The following XKR9 variants were observed in gnomAD, a reference collection of about 807,000 sequenced individuals.
The protein encoded by XKR9 is XK-related protein 9.
XKR9 carries 32 observed loss-of-function variants against 32.0 expected under a neutral mutation model. That is an observed-to-expected ratio of 1.00 (90% CI 0.76 to 1.34). The LOEUF (loss-of-function observed/expected upper bound fraction) is 1.34. Among genes scored for constraint, XKR9 ranks in the 40% most tolerant of loss-of-function variants. The pLI, the probability that XKR9 is intolerant of heterozygous loss-of-function variation, is 0.00. For synonymous variants in XKR9, 168 were observed against 143.4 expected (o/e 1.17, Z -1.22); for missense variants, 546 against 429.7 (o/e 1.27, Z -2.39).
At chr8:70,858,391 T>A in the XKR9 span, among the ~76,000 whole-genome samples, 2 of 152,030 alleles carry the variant, frequency 1.3e-5, no homozygotes, top group African/African-American at 4.8e-5. Context: ...ATAAAATACC[T>A]AGGAATCCAA....
At chr8:70,979,430 G>A in the XKR9 span, among the ~76,000 whole-genome samples, 1,470 of 152,272 alleles carry the variant, frequency 9.7e-3, 23 homozygotes, top group African/African-American at 0.034. Context: ...TGGTGTGGAT[G>A]TCCTTTTTGT....
the XKR9 span, among the ~76,000 whole-genome samples, chr8:70,905,416 A>T: frequency 6.6e-6 from 1 of 152,130 alleles, no homozygotes; most frequent in African/African-American, 2.4e-5. Context: ...CAAATTGGCT[A>T]CTGAATCTTG....
At chr8:70,766,751 A>G (rs1409558225) in intron 2 of XKR9, among the ~76,000 whole-genome samples, 2 of 151,894 alleles carry the variant, frequency 1.3e-5, no homozygotes, top group Non-Finnish European at 2.9e-5. Flanking sequence ...AATAGCTCTT[A>G]TTATTTTGAG....
At chr8:70,692,890 T>C (rs1258486791) in intron 3 of XKR9, among the ~76,000 whole-genome samples, 1 of 152,146 alleles carries the variant, frequency 6.6e-6, no homozygotes, top group East Asian at 1.9e-4. Context: ...ATGGCTCTTA[T>C]TATTTTGAGG....
At chr8:70,725,675 G>T (rs1422104035) in intron 4 of XKR9, among the ~76,000 whole-genome samples, 1 of 152,134 alleles carries the variant, frequency 6.6e-6, no homozygotes, top group Non-Finnish European at 1.5e-5. Flanking sequence ...GGAGGCTGAG[G>T]CGAGCAGATC....
chr8:70,863,028 G>A, the XKR9 span, among the ~76,000 whole-genome samples: 1 of 152,122 alleles, frequency 6.6e-6, no homozygotes, highest in Non-Finnish European at 1.5e-5. Flanking sequence ...TAGAAAGGAA[G>A]TTAGTGTTGT....
the XKR9 span, among the ~76,000 whole-genome samples, chr8:71,050,254 T>TAG: frequency 1.7e-4 from 21 of 125,166 alleles, no homozygotes; most frequent in African/African-American, 6.6e-4. Flanking sequence ...TATATATATA[T>TAG]ATATATAGAT....
Position 70,724,633 on chromosome 8 carries a change from G to A in XKR9, c.494-9163G>A, listed in dbSNP as rs79683513. 2.1e-3 allele frequency among the ~76,000 whole-genome samples: 316 copies of A among 152,192 alleles called. 3 individuals are homozygous for A. Among genetic ancestry groups the A allele is most frequent in the African/African-American group, 7.2e-3 (301 of 41,518 alleles). On this transcript the variant is annotated intron_variant, in intron 4 of 4. Transcript: ENST00000408926. ...GGCTTCCCTTGGCTAGGGGAGGGAGGTCCCTGGCCCCTTGCACTTCATGGG... is the reference window on the plus strand; with the variant it reads ...GGCTTCCCTTGGCTAGGGGAGGGAGATCCCTGGCCCCTTGCACTTCATGGG...
chr8:70,983,870 C>A, the XKR9 span, among the ~76,000 whole-genome samples: 1 of 151,322 alleles, frequency 6.6e-6, no homozygotes, highest in East Asian at 1.9e-4. Context: ...ATCAATTGAA[C>A]TTTTGCTATT....
chr8:71,025,734 C>T, the XKR9 span, among the ~76,000 whole-genome samples: 2 of 152,212 alleles, frequency 1.3e-5, no homozygotes, highest in Non-Finnish European at 2.9e-5. Flanking sequence ...ACTGTCATCC[C>T]TCAAACCACT....
the XKR9 span, among the ~76,000 whole-genome samples, chr8:70,968,439 C>T: frequency 6.6e-6 from 1 of 152,196 alleles, no homozygotes; most frequent in Non-Finnish European, 1.5e-5. Context: ...CTACTTCTGC[C>T]ATTTTAGCCA....
chr8:70,748,440 G>A (rs2130178230), intron 2 of XKR9, among the ~76,000 whole-genome samples: 1 of 152,358 alleles, frequency 6.6e-6, no homozygotes, highest in East Asian at 1.9e-4. Context: ...GCCAAGCCTG[G>A]GTGCTATTGT....
chr8:70,870,570 T>C, the XKR9 span, among the ~76,000 whole-genome samples: 7 of 152,328 alleles, frequency 4.6e-5, no homozygotes, highest in South Asian at 1.0e-3. Flanking sequence ...TTTGTGCTTA[T>C]ATAGGAAAAG....
chr8:71,032,177 T>G, the XKR9 span, among the ~76,000 whole-genome samples: 18 of 149,060 alleles, frequency 1.2e-4, no homozygotes, highest in South Asian at 3.6e-3. Flanking sequence ...CCAGCTACTC[T>G]GGAGGCTGAG....
chr8:70,764,379 G>C (rs1299130264), intron 2 of XKR9, among the ~76,000 whole-genome samples: 1 of 152,128 alleles, frequency 6.6e-6, no homozygotes, highest in Non-Finnish European at 1.5e-5. Flanking sequence ...TGGAACTTCA[G>C]CTTGGAGAGG....
chr8:70,855,732 G>A, the XKR9 span, among the ~76,000 whole-genome samples: 3 of 152,220 alleles, frequency 2.0e-5, no homozygotes, highest in Non-Finnish European at 2.9e-5. Context: ...AGAGAGAAAG[G>A]TTGGGTTACC....
At chr8:71,060,302 T>G in the XKR9 span, among the ~76,000 whole-genome samples, 1 of 152,194 alleles carries the variant, frequency 6.6e-6, no homozygotes, top group African/African-American at 2.4e-5. Flanking sequence ...AATGGAACTA[T>G]CTGACAGAAG....
At chr8:70,876,122 G>C in the XKR9 span, among the ~76,000 whole-genome samples, 4 of 151,852 alleles carry the variant, frequency 2.6e-5, no homozygotes, top group African/African-American at 9.7e-5. Flanking sequence ...TATTTTTACT[G>C]CCTGAACTTT....
At chr8:70,967,643 C>A in the XKR9 span, among the ~76,000 whole-genome samples, 17 of 152,076 alleles carry the variant, frequency 1.1e-4, no homozygotes, top group African/African-American at 3.6e-4. Flanking sequence ...GTGATGAATT[C>A]CCTCAGCATT....
Sources: allele counts gnomAD v4.1 joint callset (sites outside exome capture counted in the v4.1 genomes callset), GRCh38; gene constraint gnomAD v4.1.1; transcripts MANE v1.5; gene names NCBI Gene and HGNC (gene_info 2026-07-23, HGNC 2026-07-21).